Variants in UBR4 observed in about 807,000 individuals in gnomAD.
UBR4 encodes ubiquitin protein ligase E3 component n-recognin 4.
Under a neutral mutation model 575.6 loss-of-function variants are expected in UBR4, and 124 were observed. The observed-to-expected ratio is 0.22, with a 90% CI of 0.19 to 0.25. The LOEUF (loss-of-function observed/expected upper bound fraction) is 0.25, where lower values mean the gene tolerates loss of function less well. Ranked by LOEUF, UBR4 falls within the 10% of genes least tolerant of loss-of-function variation. The probability of loss-of-function intolerance (pLI) is 1.00; values close to 1 mark genes in which losing one functional copy is unlikely to be tolerated. For missense variants in UBR4, 4,818 were observed against 6,478.8 expected (o/e 0.74, Z 8.80); for synonymous variants, 2,455 against 2,473.7 (o/e 0.99, Z 0.22).
intron 22 of UBR4, 28 bp from the exon 23 acceptor site, chr1:19,173,649 T>C: frequency 1.9e-6 from 3 of 1,609,194 alleles, no homozygotes; most frequent in Non-Finnish European, 2.6e-6. Flanking sequence ...AGCATAGAGG[T>C]AGCACTTGGT....
intron 18 of UBR4, among the ~76,000 whole-genome samples, chr1:19,178,834 A>G (rs2090570831): frequency 6.6e-6 from 1 of 152,194 alleles, no homozygotes; most frequent in Non-Finnish European, 1.5e-5. Context: ...AATTATAACC[A>G]AATCCCCCAT....
At chr1:19,162,734 A>T in intron 34 of UBR4, 123 bp from the exon 35 acceptor site, 1 of 1,222,670 alleles carries the variant, frequency 8.2e-7, no homozygotes, top group Non-Finnish European at 1.1e-6. Flanking sequence ...GAGAAGAAAA[A>T]CAGTGTGTTT....
chr1:19,169,033 C>T (rs1040097518), intron 27 of UBR4, among the ~76,000 whole-genome samples: 1 of 150,284 alleles, frequency 6.7e-6, no homozygotes, highest in African/African-American at 2.4e-5. Flanking sequence ...AAGCTAAAAG[C>T]GACCCTGTAA....
rs11586779 is a variant in UBR4 at position 19,168,700 on chromosome 1, G to A, written c.3742-516C>T. On this transcript the variant is annotated intron_variant, in intron 27 of 105. Coordinates refer to ENST00000375254, the MANE Select transcript of UBR4 (RefSeq NM_020765.3). ...GACAGAAGACTCAGTAGTATTGGCT[G>A]GGCATGGTGGCTCACGCCTGTAATC... 3.0e-3 allele frequency among the ~76,000 whole-genome samples: 457 copies of A among 152,272 alleles called. 2 individuals are homozygous for A. Among genetic ancestry groups the A allele is most frequent in the African/African-American group, 0.011 (445 of 41,548 alleles).
chr1:19,135,484 T>G (rs2083098368), intron 60 of UBR4, among the ~76,000 whole-genome samples: 1 of 152,236 alleles, frequency 6.6e-6, no homozygotes, highest in African/African-American at 2.4e-5. Flanking sequence ...TTGAAGACAA[T>G]TATCTTCACA....
chr1:19,144,873 C>G lies in UBR4; in HGVS notation c.7980G>C (p.Leu2660=), dbSNP rs1233469917. 1.9e-6 allele frequency: 3 copies of G among 1,614,096 alleles called. No homozygotes were observed. Among genetic ancestry groups the G allele is most frequent in the Non-Finnish European group, 1.7e-6 (2 of 1,180,002 alleles). Residue 2660 remains leucine (L), a synonymous_variant, in exon 54 of 106, where the codon CTG becomes CTC. Transcript: ENST00000375254. ...TACAGTAGCCATGGATGATGTCCACCAGAGCATTGACAGTAGCTTCAATAT... is the reference window on the plus strand; with the variant it reads ...TACAGTAGCCATGGATGATGTCCACGAGAGCATTGACAGTAGCTTCAATAT... ...LTHIEATVNA[L]VDIIHGYCTC...
intron 60 of UBR4, among the ~76,000 whole-genome samples, chr1:19,134,827 T>C (rs1239588078): frequency 6.6e-6 from 1 of 152,126 alleles, no homozygotes; most frequent in Admixed American, 6.6e-5. Flanking sequence ...CTTCACACTC[T>C]TCCCTGCACC....
intron 3 of UBR4, 80 bp from the exon 4 acceptor site, chr1:19,199,008 A>C: frequency 6.5e-7 from 1 of 1,535,170 alleles, no homozygotes; most frequent in East Asian, 2.4e-5. Context: ...TGGAAATTCT[A>C]ACTGGCACAG....
chr1:19,105,146 A>C lies in UBR4; in HGVS notation c.12547T>G (p.Tyr4183Asp). 6.2e-7 allele frequency: 1 copy of C among 1,614,054 alleles called. No homozygotes were observed. Among genetic ancestry groups the C allele is most frequent in the Non-Finnish European group, 8.5e-7 (1 of 1,179,982 alleles). The change falls in exon 85 of 106, where the codon TAC becomes GAC. Residue 4183 changes from tyrosine (Y) to aspartate (D), a missense_variant. Physicochemically the swap from Tyr to Asp is radical, Grantham distance 160. Around this residue, in one of 29 missense-constraint regions of UBR4, gnomAD observed 178 missense variants for 175.5 expected, o/e 1.01. Coordinates refer to ENST00000375254, the MANE Select transcript of UBR4 (RefSeq NM_020765.3). ...ATGAGCTTCTGGTAGAGAGCCAGGT[A>C]CTCAGCTGCACACTCCCCAGCTATG... ...LSIAGECAAEYLALYQKLITS... is the reference protein window; with the variant it reads ...LSIAGECAAEDLALYQKLITS...
chr1:19,203,423 C>G (rs1313167545), intron 1 of UBR4, among the ~76,000 whole-genome samples: 1 of 152,048 alleles, frequency 6.6e-6, no homozygotes, highest in East Asian at 1.9e-4. Flanking sequence ...ATTGCTTGAA[C>G]CCGGCAGGTG....
At chr1:19,092,218 G>A (rs773571150) in intron 97 of UBR4, among the ~76,000 whole-genome samples, 2 of 152,098 alleles carry the variant, frequency 1.3e-5, no homozygotes, top group African/African-American at 2.4e-5. Context: ...TGTGTGCTCG[G>A]GTTCCACATG....
intron 87 of UBR4, among the ~76,000 whole-genome samples, chr1:19,102,064 T>A (rs1047572728): frequency 5.9e-5 from 9 of 152,198 alleles, no homozygotes; most frequent in African/African-American, 2.2e-4. Context: ...AGGTAGACTG[T>A]CCTCTATAAG....
chr1:19,205,566 T>TATCACATGTCTTA (rs2092964314), intron 1 of UBR4, among the ~76,000 whole-genome samples: 2 of 152,108 alleles, frequency 1.3e-5, no homozygotes, highest in African/African-American at 4.8e-5. Flanking sequence ...CTGTGGTTAA[T>TATCACATGTCTTA]GTGATACTAA....
chr1:19,089,419 C>T lies in UBR4; in HGVS notation c.14212-442G>A, dbSNP rs148347947. On this transcript the variant is annotated intron_variant, in intron 97 of 105. Transcript: ENST00000375254. The surrounding 1 kb of genome is among the most constrained non-coding windows in gnomAD (Gnocchi z 4.3). ...CTAAGGACCTGCCCTGAGTTCTCCA[C>T]GGGAGCCCCTGGGTCCACCAAACCT... is the stretch of plus-strand genomic sequence containing the variant. 1.3e-3 allele frequency among the ~76,000 whole-genome samples: 205 copies of T among 152,250 alleles called. No homozygotes were observed. The Middle Eastern group carries it at 0.014, about 10-fold the overall frequency.
chr1:19,175,566 AG>A (rs1278584752), intron 20 of UBR4, among the ~76,000 whole-genome samples: 1 of 152,226 alleles, frequency 6.6e-6, no homozygotes, highest in Non-Finnish European at 1.5e-5. Context: ...CTTCATCCAA[AG>A]AACAGACAAT....
chr1:19,166,772 G>A, intron 29 of UBR4, among the ~76,000 whole-genome samples: 1 of 140,940 alleles, frequency 7.1e-6, no homozygotes, highest in Non-Finnish European at 1.5e-5. Context: ...TGGGCATGGT[G>A]GCATGCACCT....
At chr1:19,122,094 C>T (rs1165273519) in intron 66 of UBR4, 82 bp from the exon 67 acceptor site, 2 of 1,427,214 alleles carry the variant, frequency 1.4e-6, no homozygotes, top group Admixed American at 1.7e-5. Context: ...CTGGAGCCAT[C>T]TCCCTGACTT....
At chr1:19,124,987 T>A (rs2081567742) in intron 64 of UBR4, among the ~76,000 whole-genome samples, 1 of 151,178 alleles carries the variant, frequency 6.6e-6, no homozygotes, top group Non-Finnish European at 1.5e-5. Flanking sequence ...TACATAAAGA[T>A]GAGTGCTAGA....
chr1:19,130,233 A>G (rs2082268850), intron 60 of UBR4, among the ~76,000 whole-genome samples: 1 of 152,104 alleles, frequency 6.6e-6, no homozygotes, highest in Non-Finnish European at 1.5e-5. Context: ...AGCCCAGAAT[A>G]TTTTCAAAGT....
Sources: gnomAD v4.1 joint callset for allele counts (sites outside exome capture counted in the v4.1 genomes callset) on GRCh38, gnomAD v4.1.1 for gene constraint, gnomAD v4.1.1 regional missense constraint, Gnocchi (gnomAD v3.1) non-coding constraint, MANE v1.5 for transcripts, NCBI Gene and HGNC (gene_info 2026-07-23, HGNC 2026-07-21) for gene names.